The following CNTN4 variants were observed in gnomAD, a reference collection of about 807,000 sequenced individuals.
CNTN4 encodes the protein contactin-4.
CNTN4 carries 77 observed loss-of-function variants against 122.5 expected under a neutral mutation model. The ratio of observed to expected loss-of-function variants is 0.63; its 90% CI spans 0.52 to 0.76. The LOEUF is 0.76. CNTN4 is among the 30% of genes least tolerant of loss of function. The pLI is 0.00. For missense variants in CNTN4, 1,256 were observed against 1,259.1 expected, an observed-to-expected ratio of 1.00 and a Z score of 0.04; for synonymous variants, 512 against 447.0, an observed-to-expected ratio of 1.15 and a Z score of -1.83.
At chr3:2,672,544 C>G (rs1044398278) in intron 4 of CNTN4, among the ~76,000 whole-genome samples, 2 of 152,230 alleles carry the variant, frequency 1.3e-5, no homozygotes, top group African/African-American at 2.4e-5. Flanking sequence ...AGGGAATTCC[C>G]TGACCCCTTG....
intron 2 of CNTN4, among the ~76,000 whole-genome samples, chr3:2,108,548 A>T (rs369461146): frequency 6.6e-6 from 1 of 152,304 alleles, no homozygotes; most frequent in African/African-American, 2.4e-5. Context: ...GTGCAATGGA[A>T]TTTCATTGAG....
rs145596317 is a variant in CNTN4 at position 2,754,703 on chromosome 3, A to G, written c.358+9006A>G. On this transcript the variant is annotated intron_variant, in intron 6 of 24. Coordinates refer to ENST00000418658, the MANE Select transcript of CNTN4 (RefSeq NM_175607.3). Reference sequence around the variant, plus strand: ...GCCTTCCTGTGACTTCAAGCAAGCAATCTATGAATAAAGTAACTCTTCTGC... The same window carrying G: ...GCCTTCCTGTGACTTCAAGCAAGCAGTCTATGAATAAAGTAACTCTTCTGC... Among the ~76,000 whole-genome samples the G allele has an allele frequency of 2.8e-4, 42 of 152,122 alleles. 1 individual carries two copies. In the East Asian group the frequency reaches 8.1e-3, roughly 29 times the overall value.
chr3:2,775,462 C>G (rs1318070890), intron 6 of CNTN4, among the ~76,000 whole-genome samples: 2 of 152,198 alleles, frequency 1.3e-5, no homozygotes, highest in Non-Finnish European at 2.9e-5. Flanking sequence ...GACAGAGTCT[C>G]ACTCTGGAGT....
chr3:3,046,366 G>C (rs959984363), intron 23 of CNTN4, among the ~76,000 whole-genome samples: 1 of 152,142 alleles, frequency 6.6e-6, no homozygotes, highest in African/African-American at 2.4e-5. Flanking sequence ...AAATGTTAAG[G>C]GCAGCCAGAG....
At chr3:2,814,999 C>T (rs1203742505) in intron 6 of CNTN4, among the ~76,000 whole-genome samples, 1 of 152,152 alleles carries the variant, frequency 6.6e-6, no homozygotes, top group Non-Finnish European at 1.5e-5. Flanking sequence ...CTCATAATGC[C>T]TGCTGCTACT....
At chr3:2,800,462 G>T (rs1042139705) in intron 6 of CNTN4, among the ~76,000 whole-genome samples, 1 of 152,024 alleles carries the variant, frequency 6.6e-6, no homozygotes, top group African/African-American at 2.4e-5. Flanking sequence ...TATCTGTTTT[G>T]AATCTGGTAA....
chr3:2,984,066 A>T (rs1282473101), intron 13 of CNTN4, among the ~76,000 whole-genome samples: 1 of 136,298 alleles, frequency 7.3e-6, no homozygotes, highest in African/African-American at 2.9e-5. Flanking sequence ...TAAAATGAAT[A>T]GTATAATAGT....
chr3:2,369,797 A>G (rs1179209057), intron 3 of CNTN4, among the ~76,000 whole-genome samples: 14 of 152,164 alleles, frequency 9.2e-5, no homozygotes, highest in Non-Finnish European at 4.4e-5. Context: ...AATAAAAGAA[A>G]TAGTAACAGT....
At chr3:2,424,508 C>T (rs1326798843) in intron 3 of CNTN4, among the ~76,000 whole-genome samples, 1 of 152,036 alleles carries the variant, frequency 6.6e-6, no homozygotes, top group Non-Finnish European at 1.5e-5. Context: ...CTATTGTGAA[C>T]AGTGCCGCAC....
At chr3:2,436,758 A>G (rs2048271730) in intron 3 of CNTN4, among the ~76,000 whole-genome samples, 1 of 150,422 alleles carries the variant, frequency 6.6e-6, no homozygotes. Context: ...AACTTCATAT[A>G]TTTCCTTCAA....
intron 2 of CNTN4, among the ~76,000 whole-genome samples, chr3:2,330,044 A>T (rs1158029673): frequency 6.6e-6 from 1 of 152,168 alleles, no homozygotes; most frequent in Admixed American, 6.5e-5. Context: ...TTCAGATGCC[A>T]GTCCTAAATC....
chr3:2,252,547 G>A (rs2040418948), intron 2 of CNTN4, among the ~76,000 whole-genome samples: 1 of 152,036 alleles, frequency 6.6e-6, no homozygotes, highest in Admixed American at 6.6e-5. Context: ...TTATTGGAAA[G>A]CAAAGGTAAC....
intron 12 of CNTN4, among the ~76,000 whole-genome samples, chr3:2,910,205 CTGATAAATATTA>C (rs1484598709): frequency 7.9e-5 from 12 of 152,276 alleles, no homozygotes; most frequent in South Asian, 6.2e-4. Flanking sequence ...ACATTGAAAG[CTGATAAATATTA>C]TGATAAATAT....
chr3:2,584,697 C>CAAAAAAAAAAAAAAAAAAAAA (rs67755648), intron 4 of CNTN4, among the ~76,000 whole-genome samples: 1 of 73,162 alleles, frequency 1.4e-5, no homozygotes, highest in African/African-American at 5.8e-5. Flanking sequence ...AACTCCGTCT[C>CAAAAAAAAAAAAAAAAAAAAA]AAAAAAAAAA....
chr3:2,135,672 C>T (rs2034657721), intron 2 of CNTN4, among the ~76,000 whole-genome samples: 2 of 151,542 alleles, frequency 1.3e-5, no homozygotes, highest in South Asian at 4.1e-4. Flanking sequence ...CTGGTCAATG[C>T]AGATGAAGGG....
At chr3:2,231,141 C>G (rs761751578) in intron 2 of CNTN4, among the ~76,000 whole-genome samples, 1 of 152,078 alleles carries the variant, frequency 6.6e-6, no homozygotes, top group Non-Finnish European at 1.5e-5. Flanking sequence ...TATTATCATT[C>G]AACTGTACCA....
rs376701943 is a variant in CNTN4 at position 2,839,413 on chromosome 3, C to CA, written c.454+19845dup. Reference sequence around the variant, plus strand: ...AGAATGGCAAGTTTTTTGCTTTTACCAAAAAAAAAAAAAGACAGTGGGAAT... The same window carrying CA: ...AGAATGGCAAGTTTTTTGCTTTTACCAAAAAAAAAAAAAAGACAGTGGGAAT... On this transcript the variant is annotated intron_variant, in intron 7 of 24. Transcript: ENST00000418658. 9.5e-3 allele frequency among the ~76,000 whole-genome samples: 1,287 copies of CA among 135,998 alleles called. 6 individuals are homozygous for CA. Among genetic ancestry groups the CA allele is most frequent in the East Asian group, 0.026 (121 of 4,726 alleles). 89.2% of individuals were successfully genotyped at this position (135,998 alleles called of 152,430 possible). A position where few individuals can be genotyped will look rare whatever the true frequency, so the allele number is the denominator to read the frequency against.
intron 2 of CNTN4, among the ~76,000 whole-genome samples, chr3:2,129,633 G>A (rs2034356447): frequency 6.6e-6 from 1 of 151,800 alleles, no homozygotes; most frequent in Non-Finnish European, 1.5e-5. Flanking sequence ...ATATGCTGGA[G>A]ACTTTGGAGA....
At chr3:2,586,535 C>A (rs2080213072) in intron 4 of CNTN4, among the ~76,000 whole-genome samples, 1 of 152,204 alleles carries the variant, frequency 6.6e-6, no homozygotes, top group Non-Finnish European at 1.5e-5. Context: ...TCGTGATCTG[C>A]CCGCCTCAGC....
Sources: allele counts gnomAD v4.1 joint callset (sites outside exome capture counted in the v4.1 genomes callset), GRCh38; gene constraint gnomAD v4.1.1; transcripts MANE v1.5; gene names NCBI Gene and HGNC (gene_info 2026-07-23, HGNC 2026-07-21).